The following SPECC1 variants were observed in gnomAD, a reference collection of about 807,000 sequenced individuals.
SPECC1 encodes the protein cytospin-B.
In SPECC1, 62 loss-of-function variants were observed where a neutral mutation model predicts 104.1. The observed-to-expected ratio is 0.60, with a 90% CI of 0.49 to 0.74. SPECC1 has a LOEUF of 0.74. Among genes scored for constraint, SPECC1 ranks in the 30% least tolerant of loss-of-function variants. The pLI, the probability that SPECC1 is intolerant of heterozygous loss-of-function variation, is 0.00. For synonymous variants in SPECC1, 513 were observed against 501.6 expected (o/e 1.02, Z -0.30); for missense variants, 1,306 against 1,310.5 (o/e 1.00, Z 0.05).
At chr17:20,012,016 C>T (rs2043960953) in intron 1 of SPECC1, among the ~76,000 whole-genome samples, 1 of 152,106 alleles carries the variant, frequency 6.6e-6, no homozygotes, top group Admixed American at 6.5e-5. Context: ...TCTGAAAATG[C>T]CTTTATTCTC....
intron 1 of SPECC1, among the ~76,000 whole-genome samples, chr17:20,048,635 G>A (rs140007347): frequency 8.5e-4 from 130 of 152,180 alleles, no homozygotes; most frequent in Non-Finnish European, 1.6e-3. Flanking sequence ...GGCCAGGCGC[G>A]GTGGCTCACG....
chr17:20,223,096 C>G (rs568710616), intron 4 of SPECC1, among the ~76,000 whole-genome samples: 1 of 152,024 alleles, frequency 6.6e-6, no homozygotes, highest in African/African-American at 2.4e-5. Context: ...GGGAAGTTCT[C>G]TGTTGTTATC....
rs1412950645 is a variant in SPECC1 at position 20,246,058 on chromosome 17, C to T, written c.2484C>T (p.Asp828=). 1 of 1,614,116 alleles carries T rather than the reference C, an allele frequency of 6.2e-7. No homozygotes were observed. Among genetic ancestry groups the T allele is most frequent in the Non-Finnish European group, 8.5e-7 (1 of 1,179,996 alleles). ...TTAAGTCACTTATCAAGTCATTTGA[C>T]TTGGGACGCCCAGGTATTTAATCAT... ...TTVKSLIKSF[D]LGRPGGAGQN... The change falls in exon 8 of 15, where the codon GAC becomes GAT. Residue 828 remains aspartate, a synonymous_variant. Transcript: ENST00000395527.
chr17:20,045,733 C>T (rs1326540925), intron 1 of SPECC1, among the ~76,000 whole-genome samples: 1 of 152,114 alleles, frequency 6.6e-6, no homozygotes, highest in African/African-American at 2.4e-5. Context: ...CAGGGTTGGC[C>T]AGGTGTGTGC....
chr17:20,273,960 G>C (rs2151642473), intron 12 of SPECC1, among the ~76,000 whole-genome samples: 1 of 152,256 alleles, frequency 6.6e-6, no homozygotes, highest in Admixed American at 6.5e-5. Flanking sequence ...GTGAATGCAT[G>C]CGTTTCATTG....
Position 20,247,446 on chromosome 17 carries a change from TTGCACTA to T in SPECC1, c.2598+132_2598+138del. ...TAGAGTATGTGTTTTGTAAATTGGATTGCACTATGCATTATTCCAATACTTATTTCAC... is the reference window on the plus strand; with the variant it reads ...TAGAGTATGTGTTTTGTAAATTGGATTGCATTATTCCAATACTTATTTCAC... On this transcript the variant is annotated intron_variant, in intron 9 of 14. Transcript: ENST00000395527. The T allele has an allele frequency of 8.4e-6, 5 of 593,756 alleles. No homozygotes were observed. The South Asian group carries it at 1.4e-4, about 16-fold the overall frequency. 36.8% of individuals were successfully genotyped at this position (593,756 alleles called of 1,614,324 possible).
intron 4 of SPECC1, among the ~76,000 whole-genome samples, chr17:20,221,646 A>G (rs2037882414): frequency 6.6e-6 from 1 of 151,518 alleles, no homozygotes; most frequent in Non-Finnish European, 1.5e-5. Context: ...TTAAAATTTC[A>G]TTTATTTCTG....
intron 9 of SPECC1, among the ~76,000 whole-genome samples, chr17:20,247,572 G>A (rs1295829477): frequency 2.0e-5 from 3 of 152,128 alleles, no homozygotes; most frequent in Non-Finnish European, 4.4e-5. Context: ...TTGGCACATG[G>A]TCACATTATA....
In SPECC1 at chr17:20,040,834, G is replaced by A. The variant is rs138991593; in HGVS notation, c.-22+31410G>A. 2.0e-3 allele frequency among the ~76,000 whole-genome samples: 310 copies of A among 152,230 alleles called. 6 individuals carry two copies. Among genetic ancestry groups the A allele is most frequent in the Admixed American group, 0.018 (277 of 15,286 alleles). The stretch of plus-strand genomic sequence containing the variant: ...CTTTTTATTTGGGGTTCAGCATTTC[G>A]AATCTATAGGTTTATGTCTCTTGCC... On this transcript the variant is annotated intron_variant, in intron 1 of 14. Coordinates refer to ENST00000395527, the MANE Select transcript of SPECC1 (RefSeq NM_001243439.2).
At chr17:20,106,145 A>G (rs2048187844) in intron 2 of SPECC1, among the ~76,000 whole-genome samples, 2 of 152,116 alleles carry the variant, frequency 1.3e-5, no homozygotes, top group South Asian at 2.1e-4. Flanking sequence ...TCCCTTTTTC[A>G]TTTGAGAAGT....
At chr17:20,076,083 T>A (rs2046748567) in intron 1 of SPECC1, among the ~76,000 whole-genome samples, 1 of 152,200 alleles carries the variant, frequency 6.6e-6, no homozygotes, top group African/African-American at 2.4e-5. Flanking sequence ...CACTACTGCA[T>A]TTCATTCTGA....
chr17:20,257,826 A>G (rs2039888535), intron 11 of SPECC1, among the ~76,000 whole-genome samples: 2 of 152,332 alleles, frequency 1.3e-5, no homozygotes, highest in East Asian at 1.9e-4. Flanking sequence ...AATACTGCAT[A>G]AGCAAAGTCT....
chr17:20,288,313 A>G (rs2151698773), intron 12 of SPECC1, among the ~76,000 whole-genome samples: 1 of 152,344 alleles, frequency 6.6e-6, no homozygotes, highest in African/African-American at 2.4e-5. Context: ...ATAACCACTA[A>G]TAGGATTGCT....
At chr17:20,069,388 GCTTA>G (rs2046469002) in intron 1 of SPECC1, among the ~76,000 whole-genome samples, 2 of 151,940 alleles carry the variant, frequency 1.3e-5, no homozygotes, top group Admixed American at 1.3e-4. Flanking sequence ...GTTTGTCTTT[GCTTA>G]CTTCTGCTTT....
intron 7 of SPECC1, among the ~76,000 whole-genome samples, chr17:20,234,237 G>A (rs1182446699): frequency 4.6e-5 from 7 of 152,014 alleles, no homozygotes; most frequent in African/African-American, 1.7e-4. Context: ...CAATCTAACA[G>A]TTTAATCCCT....
intron 1 of SPECC1, among the ~76,000 whole-genome samples, chr17:20,018,750 C>G (rs2044249991): frequency 2.6e-5 from 4 of 152,212 alleles, no homozygotes; most frequent in Admixed American, 2.0e-4. Context: ...AGCTTCCAAG[C>G]ATCCTCTCCC....
At chr17:20,095,385 T>G (rs1444770433) in intron 1 of SPECC1, among the ~76,000 whole-genome samples, 2 of 152,112 alleles carry the variant, frequency 1.3e-5, no homozygotes, top group African/African-American at 4.8e-5. Context: ...TTTAAAGGAG[T>G]GTTTCCACTG....
At chr17:20,112,422 C>G in intron 3 of SPECC1, 2 of 763,948 alleles carry the variant, frequency 2.6e-6, no homozygotes, top group South Asian at 2.7e-5. Flanking sequence ...TCACCAATAT[C>G]CTGAAAGGAA....
chr17:20,151,215 T>C (rs2031975257), intron 3 of SPECC1, among the ~76,000 whole-genome samples: 1 of 152,224 alleles, frequency 6.6e-6, no homozygotes, highest in African/African-American at 2.4e-5. Flanking sequence ...GTACAAAAGC[T>C]ATACTGTACT....
Sources: allele counts gnomAD v4.1 joint callset (sites outside exome capture counted in the v4.1 genomes callset), GRCh38; gene constraint gnomAD v4.1.1; transcripts MANE v1.5; gene names NCBI Gene and HGNC (gene_info 2026-07-23, HGNC 2026-07-21).